The following SPECC1 variants were observed in gnomAD, a reference collection of about 807,000 sequenced individuals.
SPECC1 encodes the protein sperm antigen with calponin homology and coiled-coil domains 1.
A neutral mutation model predicts 104.1 loss-of-function variants in SPECC1; 62 were observed. The ratio of observed to expected loss-of-function variants is 0.60; its 90% CI spans 0.49 to 0.74. SPECC1 has a LOEUF of 0.74. Ranked by LOEUF, SPECC1 falls within the 30% of genes least tolerant of loss-of-function variation. The pLI is 0.00. For synonymous variants in SPECC1, 513 were observed against 501.6 expected (o/e 1.02, Z -0.30); for missense variants, 1,306 against 1,310.5 (o/e 1.00, Z 0.05).
intron 3 of SPECC1, among the ~76,000 whole-genome samples, chr17:20,181,028 C>A (rs912677653): frequency 1.3e-5 from 2 of 151,914 alleles, no homozygotes; most frequent in South Asian, 2.1e-4. Context: ...ATAACAACAA[C>A]AACAAAAACT....
At chr17:20,199,935 G>A (rs1283111695) in intron 3 of SPECC1, among the ~76,000 whole-genome samples, 2 of 152,082 alleles carry the variant, frequency 1.3e-5, no homozygotes, top group African/African-American at 2.4e-5. Flanking sequence ...GACTACAGGC[G>A]TTTGTGGCAC....
intron 2 of SPECC1, among the ~76,000 whole-genome samples, chr17:20,097,170 C>T (rs982894271): frequency 3.3e-5 from 5 of 152,144 alleles, no homozygotes; most frequent in East Asian, 1.9e-4. Context: ...TACTGGACCC[C>T]GCAGCAGCAT....
At chr17:20,219,804 T>C (rs2037744445) in intron 4 of SPECC1, among the ~76,000 whole-genome samples, 1 of 152,166 alleles carries the variant, frequency 6.6e-6, no homozygotes, top group Admixed American at 6.5e-5. Context: ...TTAGTAGTTT[T>C]CATAGTTTGA....
intron 1 of SPECC1, among the ~76,000 whole-genome samples, chr17:20,053,862 G>A (rs1422776913): frequency 6.6e-6 from 1 of 152,218 alleles, no homozygotes; most frequent in African/African-American, 2.4e-5. Context: ...TGGGAGATAA[G>A]CCTTTGTGTT....
intron 3 of SPECC1, among the ~76,000 whole-genome samples, chr17:20,161,573 G>A (rs2033151418): frequency 6.6e-6 from 1 of 152,172 alleles, no homozygotes; most frequent in African/African-American, 2.4e-5. Flanking sequence ...GAAGACAGTG[G>A]CATCTTACAT....
rs552754410 is a variant in SPECC1, at chr17:20,284,289, G to A, written c.2941-12672G>A. On this transcript the variant is annotated intron_variant, in intron 12 of 14. Coordinates refer to ENST00000395527, the MANE Select transcript of SPECC1 (RefSeq NM_001243439.2). ...AGCAGCCCCACTGGCTGAGGAGGCG[G>A]TGATCAGAGAGGGGCAGCCAAAGCT... 2.6e-5 allele frequency among the ~76,000 whole-genome samples: 4 copies of A among 152,350 alleles called. No homozygotes were observed. In the East Asian group the frequency reaches 7.7e-4, roughly 29 times the overall value.
intron 1 of SPECC1, among the ~76,000 whole-genome samples, chr17:20,031,480 C>T (rs935374971): frequency 9.2e-5 from 14 of 152,110 alleles, no homozygotes; most frequent in Admixed American, 5.2e-4. Flanking sequence ...CCACCACACC[C>T]AGCTAATTTT....
intron 4 of SPECC1, among the ~76,000 whole-genome samples, chr17:20,213,877 AT>A (rs11366612): frequency 0.71 from 107,306 of 151,340 alleles, 39,759 homozygotes; most frequent in East Asian, 0.99. Flanking sequence ...TCTCTGAAGA[AT>A]TTTTTTTTTT....
chr17:20,052,927 G>A (rs1179153260), intron 1 of SPECC1, among the ~76,000 whole-genome samples: 4 of 152,126 alleles, frequency 2.6e-5, no homozygotes, highest in South Asian at 2.1e-4. Context: ...TTACCTATGC[G>A]TTTGCCCTAG....
chr17:20,189,097 G>A (rs1276546805), intron 3 of SPECC1, among the ~76,000 whole-genome samples: 4 of 152,138 alleles, frequency 2.6e-5, no homozygotes, highest in African/African-American at 9.7e-5. Context: ...TCGAGCCTCC[G>A]TAACCTGGAG....
At position 20,040,698 on chromosome 17, in the gene SPECC1, G is replaced by A. The variant is rs118093409; in HGVS notation, c.-22+31274G>A. Among the ~76,000 whole-genome samples the A allele has an allele frequency of 5.4e-4, 82 of 152,228 alleles. 1 individual carries two copies. The East Asian group carries it at 7.3e-3, about 14-fold the overall frequency. ...CTGTAAGAAATCTGTTACTTGAATT[G>A]TTTTTCCCTTATACATGAAGTGTTG... On this transcript the variant is annotated intron_variant, in intron 1 of 14. Coordinates refer to ENST00000395527, the MANE Select transcript of SPECC1 (RefSeq NM_001243439.2).
chr17:20,316,310 G>A lies in SPECC1; in HGVS notation c.*2245G>A, dbSNP rs139159619. 3.0e-5 allele frequency: 7 copies of A among 231,322 alleles called. No individual in the cohort carries two copies. In the East Asian group the frequency reaches 4.3e-4, roughly 14 times the overall value. 14.3% of individuals were successfully genotyped at this position (231,322 alleles called of 1,614,324 possible). A position where few individuals can be genotyped will look rare whatever the true frequency, so the allele number is the denominator to read the frequency against. ...GGTTTTATGTGGGGAGGCAGTTGCT[G>A]TCTTGGGATACCCGGAGTGGGAGTG... On this transcript the variant is annotated 3_prime_UTR_variant, in exon 15 of 15. Transcript: ENST00000395527.
rs994884343 is a variant in SPECC1, at chr17:20,239,094, G to A, written c.2351+6689G>A. 2.8e-5 allele frequency: 29 copies of A among 1,031,728 alleles called. No individual in the cohort carries two copies. The African/African-American group carries it at 4.6e-4, about 16-fold the overall frequency. 63.9% of individuals were successfully genotyped at this position (1,031,728 alleles called of 1,614,324 possible). On this transcript the variant is annotated intron_variant, in intron 7 of 14. Transcript: ENST00000395527. ...ACAGTTTCATTAGTAGAACAAAAGGGCATGGAGTAAAAATGCTAATTTTGC... is the reference window on the plus strand; with the variant it reads ...ACAGTTTCATTAGTAGAACAAAAGGACATGGAGTAAAAATGCTAATTTTGC...
At chr17:20,295,244 C>T (rs12950564) in intron 12 of SPECC1, among the ~76,000 whole-genome samples, 62,694 of 145,388 alleles carry the variant, frequency 0.43, 13,873 homozygotes, top group East Asian at 0.81. Context: ...TTGTTTAGTT[C>T]CCACCTATGA....
chr17:20,188,074 G>T (rs1013882225), intron 3 of SPECC1, among the ~76,000 whole-genome samples: 1 of 152,214 alleles, frequency 6.6e-6, no homozygotes, highest in African/African-American at 2.4e-5. Context: ...GGGCTGTCTA[G>T]TGGTGGGTTT....
intron 9 of SPECC1, among the ~76,000 whole-genome samples, chr17:20,250,062 C>A (rs1209574454): frequency 6.6e-6 from 1 of 152,046 alleles, no homozygotes; most frequent in Admixed American, 6.6e-5. Flanking sequence ...AAAAAAGATA[C>A]CTCAATGTCC....
intron 3 of SPECC1, among the ~76,000 whole-genome samples, chr17:20,183,650 G>A (rs1420614285): frequency 1.3e-5 from 2 of 152,172 alleles, no homozygotes; most frequent in Non-Finnish European, 2.9e-5. Context: ...TAGTTTAAAT[G>A]ATGTCCAGAT....
chr17:20,310,995 G>A (rs1037344469), intron 14 of SPECC1, among the ~76,000 whole-genome samples: 1 of 152,118 alleles, frequency 6.6e-6, no homozygotes, highest in South Asian at 2.1e-4. Context: ...AGCGGGAAAG[G>A]CAAGAGGCAA....
chr17:20,069,705 A>G (rs1048312007), intron 1 of SPECC1, among the ~76,000 whole-genome samples: 3 of 152,290 alleles, frequency 2.0e-5, no homozygotes, highest in South Asian at 2.1e-4. Context: ...ACTGTCTTAC[A>G]TGGACATGGG....
Sources: gnomAD v4.1 joint callset for allele counts (sites outside exome capture counted in the v4.1 genomes callset) on GRCh38, gnomAD v4.1.1 for gene constraint, MANE v1.5 for transcripts, NCBI Gene and HGNC (gene_info 2026-07-23, HGNC 2026-07-21) for gene names.